GLRA2: variants seen among roughly 807,000 people sequenced by gnomAD.
GLRA2 encodes glycine receptor subunit alpha-2.
Under a neutral mutation model 31.6 loss-of-function variants are expected in GLRA2, and 11 were observed. The ratio of observed to expected loss-of-function variants is 0.35; its 90% CI spans 0.22 to 0.58. The LOEUF is 0.58. Among genes scored for constraint, GLRA2 ranks in the 20% least tolerant of loss-of-function variants. The pLI is 0.84. For synonymous variants in GLRA2, 132 were observed against 134.0 expected (o/e 0.99, Z 0.10); for missense variants, 212 against 351.8 (o/e 0.60, Z 3.18).
intron 7 of GLRA2, among the ~76,000 whole-genome samples, chrX:14,640,076 C>A (rs926833109): frequency 9.0e-6 from 1 of 111,599 alleles, no homozygotes; most frequent in African/African-American, 3.2e-5. Context: ...ATGCCCAACC[C>A]AAACCATGGC....
chrX:14,472,529 TC>T, the GLRA2 span, among the ~76,000 whole-genome samples: 1 of 110,918 alleles, frequency 9.0e-6, no homozygotes, highest in East Asian at 2.8e-4. Flanking sequence ...CCCACCTCCT[TC>T]CTGAACCTCT....
At chrX:14,597,758 A>T (rs966936631) in intron 4 of GLRA2, among the ~76,000 whole-genome samples, 1 of 111,846 alleles carries the variant, frequency 8.9e-6, no homozygotes, top group Non-Finnish European at 1.9e-5. Flanking sequence ...GTGGGAAATA[A>T]TAAAGGGAAT....
chrX:14,475,023 A>G, the GLRA2 span, among the ~76,000 whole-genome samples: 15 of 111,648 alleles, frequency 1.3e-4, no homozygotes, highest in South Asian at 3.8e-4. Context: ...CTGAAGCTGC[A>G]TCAGTGTGGA....
chrX:14,450,844 A>G, the GLRA2 span, among the ~76,000 whole-genome samples: 1 of 111,466 alleles, frequency 9.0e-6, no homozygotes, highest in African/African-American at 3.3e-5. Context: ...CTGAGTAGCT[A>G]TAATTACAGG....
At position 14,686,280 on chromosome X, in the gene GLRA2, T is replaced by A. The variant is rs896990335; in HGVS notation, c.931-4430T>A. ...AAGTGTGATGTGGTGCTGAGAAGAA[T>A]GTATATTCTTTTGATTTGGGGTGGA... is the stretch of plus-strand genomic sequence containing the variant. On this transcript the variant is annotated intron_variant, in intron 7 of 8. Transcript: ENST00000218075. Among the ~76,000 whole-genome samples, 5 of 111,979 alleles carry A rather than the reference T, an allele frequency of 4.5e-5. No individual in the cohort carries two copies. The Admixed American group carries it at 4.7e-4, about 11-fold the overall frequency.
chrX:14,574,920 G>GT (rs1160747432), intron 3 of GLRA2, among the ~76,000 whole-genome samples: 5 of 110,711 alleles, frequency 4.5e-5, no homozygotes, highest in Admixed American at 9.7e-5. Context: ...AGTATAGCCA[G>GT]TTTTTTACAT....
rs2089392882 is a variant in GLRA2, at chrX:14,540,900, G to A, written c.202+8528G>A. Reference sequence around the variant, plus strand: ...GCAAGGTGGGGAGGAAAGGGAGGGGGCACTAGAAATAAAGGGAGAGAGACA... The same window carrying A: ...GCAAGGTGGGGAGGAAAGGGAGGGGACACTAGAAATAAAGGGAGAGAGACA... On this transcript the variant is annotated intron_variant, in intron 2 of 8. Transcript: ENST00000218075. Among the ~76,000 whole-genome samples the A allele has an allele frequency of 2.8e-5, 3 of 107,784 alleles. No homozygotes were observed. In the Admixed American group the frequency reaches 3.0e-4, roughly 11 times the overall value. The allele number at this position is 107,784 out of a possible 115,157, so 93.6% of individuals were successfully genotyped here.
chrX:14,608,004 T>A (rs901013494), intron 6 of GLRA2, among the ~76,000 whole-genome samples: 3 of 111,289 alleles, frequency 2.7e-5, no homozygotes, highest in African/African-American at 9.8e-5. Flanking sequence ...GGAGAGACAA[T>A]CAAGACATGA....
the GLRA2 span, among the ~76,000 whole-genome samples, chrX:14,494,831 C>T: frequency 8.9e-6 from 1 of 111,780 alleles, no homozygotes; most frequent in Non-Finnish European, 1.9e-5. Flanking sequence ...GTGGAATTTC[C>T]AGCAGTTCCA....
chrX:14,583,439 A>G (rs1337887290), intron 4 of GLRA2, among the ~76,000 whole-genome samples: 1 of 112,800 alleles, frequency 8.9e-6, no homozygotes, highest in African/African-American at 3.2e-5. Context: ...GTGGTAGACT[A>G]GATAAAGAAA....
chrX:14,649,084 C>T (rs1256846614), intron 7 of GLRA2, among the ~76,000 whole-genome samples: 2 of 110,139 alleles, frequency 1.8e-5, no homozygotes, highest in African/African-American at 3.3e-5. Context: ...CGTGGTGGCA[C>T]GTGCCTGTAG....
At chrX:14,524,511 C>T (rs951624387), upstream of GLRA2, among the ~76,000 whole-genome samples, 1 of 111,963 alleles carries the variant, frequency 8.9e-6, no homozygotes, top group African/African-American at 3.2e-5. Context: ...TCTAATTTGC[C>T]TCAAACCTCT....
At chrX:14,611,551 A>C (rs190245188) in intron 7 of GLRA2, among the ~76,000 whole-genome samples, 2 of 112,938 alleles carry the variant, frequency 1.8e-5, no homozygotes, top group African/African-American at 6.4e-5. Flanking sequence ...GATAATTATA[A>C]ATACATTTGC....
the GLRA2 span, among the ~76,000 whole-genome samples, chrX:14,462,245 G>T: frequency 9.0e-6 from 1 of 111,516 alleles, no homozygotes; most frequent in Non-Finnish European, 1.9e-5. Context: ...TTCCCTTTGT[G>T]GGTAACCTGA....
upstream of GLRA2, among the ~76,000 whole-genome samples, chrX:14,528,456 A>G (rs2089209146): frequency 8.9e-6 from 1 of 112,197 alleles, no homozygotes; most frequent in South Asian, 3.7e-4. Flanking sequence ...CACAAAAAGT[A>G]GGTTACTCTC....
intron 7 of GLRA2, among the ~76,000 whole-genome samples, chrX:14,686,847 A>T (rs1311633895): frequency 9.0e-6 from 1 of 111,289 alleles, no homozygotes; most frequent in Non-Finnish European, 1.9e-5. Flanking sequence ...TGTGAATTTG[A>T]TCCTGTCATT....
chrX:14,579,335 CTT>C (rs370753446), intron 3 of GLRA2, among the ~76,000 whole-genome samples: 1 of 94,080 alleles, frequency 1.1e-5, no homozygotes, highest in Admixed American at 1.1e-4. Flanking sequence ...ACAAGCCTGA[CTT>C]TTTTTTTTTT....
intron 7 of GLRA2, among the ~76,000 whole-genome samples, chrX:14,651,805 C>A (rs920500615): frequency 9.0e-6 from 1 of 111,703 alleles, no homozygotes; most frequent in Non-Finnish European, 1.9e-5. Context: ...CCAGTAAAAT[C>A]AGATCTATTA....
At chrX:14,519,048 T>C in the GLRA2 span, among the ~76,000 whole-genome samples, 1 of 100,815 alleles carries the variant, frequency 9.9e-6, no homozygotes, top group African/African-American at 3.6e-5. Flanking sequence ...GATCAGGTAA[T>C]AGATTACCAT....
Sources: allele counts gnomAD v4.1 joint callset (sites outside exome capture counted in the v4.1 genomes callset), GRCh38; gene constraint gnomAD v4.1.1; transcripts MANE v1.5; gene names NCBI Gene and HGNC (gene_info 2026-07-23, HGNC 2026-07-21).